The following CPNE8 variants were observed in gnomAD, a reference collection of about 807,000 sequenced individuals.
CPNE8 encodes copine-8.
In CPNE8, 45 loss-of-function variants were observed where a neutral mutation model predicts 81.5. That is an observed-to-expected ratio of 0.55 (90% CI 0.44 to 0.71). The LOEUF is 0.71. Ranked by LOEUF, CPNE8 falls within the 30% of genes least tolerant of loss-of-function variation. The pLI, the probability that CPNE8 is intolerant of heterozygous loss-of-function variation, is 0.00. For synonymous variants in CPNE8, 252 were observed against 226.3 expected, an observed-to-expected ratio of 1.11 and a Z score of -1.02; for missense variants, 594 against 672.1, an observed-to-expected ratio of 0.88 and a Z score of 1.28.
At chr12:38,857,850 C>T (rs1355151474) in intron 3 of CPNE8, among the ~76,000 whole-genome samples, 1 of 152,110 alleles carries the variant, frequency 6.6e-6, no homozygotes, top group Non-Finnish European at 1.5e-5. Context: ...GAGCTGACAT[C>T]GTGCCATTGC....
intron 6 of CPNE8, among the ~76,000 whole-genome samples, chr12:38,798,129 G>T (rs542494225): frequency 3.9e-5 from 6 of 152,282 alleles, no homozygotes; most frequent in Admixed American, 2.0e-4. Flanking sequence ...CACTCTGCAA[G>T]ACATTATCCA....
intron 13 of CPNE8, among the ~76,000 whole-genome samples, chr12:38,715,048 C>T (rs1344921128): frequency 6.6e-6 from 1 of 151,992 alleles, no homozygotes; most frequent in Non-Finnish European, 1.5e-5. Context: ...AAAAAACCAA[C>T]AACATTTTTA....
chr12:38,656,847 T>C (rs1209058657), intron 19 of CPNE8, among the ~76,000 whole-genome samples: 1 of 152,140 alleles, frequency 6.6e-6, no homozygotes. Context: ...GACCAGAGAA[T>C]AGACACTGTG....
intron 10 of CPNE8, among the ~76,000 whole-genome samples, chr12:38,744,979 A>G (rs1195995863): frequency 6.6e-6 from 1 of 152,138 alleles, no homozygotes; most frequent in African/African-American, 2.4e-5. Flanking sequence ...ATTCCAATTC[A>G]TTCTACAGAT....
At chr12:38,770,696 C>G (rs887263564) in intron 7 of CPNE8, among the ~76,000 whole-genome samples, 1 of 152,182 alleles carries the variant, frequency 6.6e-6, no homozygotes, top group African/African-American at 2.4e-5. Flanking sequence ...CCACTGCTCA[C>G]CCCTGGCCAT....
rs200028515 is a variant in CPNE8, at chr12:38,724,945, G to A, written c.799-46C>T. On this transcript the variant is annotated intron_variant, in intron 11 of 19. Transcript: ENST00000331366. ...ATTAAAATGTGTTAGGTTTTATACC[G>A]AAGTTTTATATTGAATTTTTAAAAA... The A allele has an allele frequency of 4.7e-5, 69 of 1,453,528 alleles. 1 individual carries two copies. In the East Asian group the frequency reaches 6.6e-4, roughly 14 times the overall value. The allele number at this position is 1,453,528 out of a possible 1,614,324, so 90.0% of individuals were successfully genotyped here. A position where few individuals can be genotyped will look rare whatever the true frequency, so the allele number is the denominator to read the frequency against.
At chr12:38,791,999 C>A (rs1942334629) in intron 6 of CPNE8, among the ~76,000 whole-genome samples, 3 of 143,420 alleles carry the variant, frequency 2.1e-5, no homozygotes, top group Admixed American at 7.0e-5. Context: ...AAGAGGAGAC[C>A]ATAGGAGAAA....
In CPNE8 at chr12:38,826,940, C is replaced by T. The variant is rs533434380; in HGVS notation, c.407+2439G>A. 5.4e-5 allele frequency among the ~76,000 whole-genome samples: 8 copies of T among 148,842 alleles called. 1 individual carries two copies. In the South Asian group the frequency reaches 1.1e-3, roughly 20 times the overall value. On this transcript the variant is annotated intron_variant, in intron 6 of 19. Transcript: ENST00000331366. ...ATCCCAGAACTTTGGGAGGCCGAGG[C>T]GGGCAGATCACGAGGTCAGGAGTTC... is the stretch of plus-strand genomic sequence containing the variant.
intron 13 of CPNE8, among the ~76,000 whole-genome samples, chr12:38,721,520 ACTC>A (rs1356301174): frequency 2.0e-5 from 3 of 151,394 alleles, no homozygotes; most frequent in South Asian, 2.1e-4. Context: ...GCTCAATAAA[ACTC>A]CTCTTCATCT....
chr12:38,803,763 A>T (rs61937807), intron 6 of CPNE8, among the ~76,000 whole-genome samples: 98,544 of 124,934 alleles, frequency 0.79, 41,060 homozygotes, highest in Non-Finnish European at 0.92. Flanking sequence ...GAAAACCCCA[A>T]CGTCTCAGCC....
At chr12:38,836,814 G>A (rs1269172949) in intron 5 of CPNE8, among the ~76,000 whole-genome samples, 1 of 152,140 alleles carries the variant, frequency 6.6e-6, no homozygotes, top group East Asian at 1.9e-4. Flanking sequence ...GGTTGGATGA[G>A]CTATATGCGT....
chr12:38,685,679 A>G, intron 15 of CPNE8, 62 bp from the exon 16 acceptor site: 2 of 1,547,558 alleles, frequency 1.3e-6, no homozygotes, highest in South Asian at 2.3e-5. Context: ...CTCCATGAAG[A>G]TCAATTGAAA....
chr12:38,663,620 G>A (rs1359410151), intron 19 of CPNE8, among the ~76,000 whole-genome samples: 1 of 152,004 alleles, frequency 6.6e-6, no homozygotes, highest in Non-Finnish European at 1.5e-5. Context: ...TCCCACTACT[G>A]GGTATTTATC....
intron 19 of CPNE8, among the ~76,000 whole-genome samples, chr12:38,660,847 A>G (rs1938935504): frequency 6.6e-6 from 1 of 152,232 alleles, no homozygotes; most frequent in African/African-American, 2.4e-5. Context: ...GCCAACAGAC[A>G]TATGAAAAAA....
At chr12:38,816,816 A>C (rs1943031743) in intron 6 of CPNE8, among the ~76,000 whole-genome samples, 1 of 152,238 alleles carries the variant, frequency 6.6e-6, no homozygotes, top group South Asian at 2.1e-4. Context: ...GAAAGAATTG[A>C]GAGCCAGTTG....
intron 3 of CPNE8, among the ~76,000 whole-genome samples, chr12:38,857,774 T>C (rs1565650956): frequency 6.6e-6 from 1 of 152,072 alleles, no homozygotes; most frequent in Non-Finnish European, 1.5e-5. Context: ...CAGGCACCTG[T>C]AATCTCAGCT....
chr12:38,759,033 C>T (rs1291710842), intron 10 of CPNE8, among the ~76,000 whole-genome samples: 1 of 152,118 alleles, frequency 6.6e-6, no homozygotes, highest in Non-Finnish European at 1.5e-5. Context: ...TTCTCATGTG[C>T]CCAAAAATAC....
At chr12:38,704,475 G>A (rs993816706) in intron 13 of CPNE8, among the ~76,000 whole-genome samples, 4 of 152,132 alleles carry the variant, frequency 2.6e-5, no homozygotes, top group African/African-American at 4.8e-5. Context: ...TTGCAGTGGG[G>A]TTACATCCTG....
chr12:38,860,225 A>T (rs988923579), intron 3 of CPNE8, among the ~76,000 whole-genome samples: 10 of 151,208 alleles, frequency 6.6e-5, no homozygotes, highest in Admixed American at 4.6e-4. Flanking sequence ...CTGAATTTAA[A>T]AATAGGCAAA....
Sources: gnomAD v4.1 joint callset for allele counts (sites outside exome capture counted in the v4.1 genomes callset) on GRCh38, gnomAD v4.1.1 for gene constraint, MANE v1.5 for transcripts, NCBI Gene and HGNC (gene_info 2026-07-23, HGNC 2026-07-21) for gene names.